The following SI variants were observed in gnomAD, a reference collection of about 807,000 sequenced individuals.
The protein encoded by SI is sucrase-isomaltase, intestinal.
SI carries 235 observed loss-of-function variants against 253.3 expected under a neutral mutation model. The observed-to-expected ratio is 0.93, with a 90% confidence interval of 0.83 to 1.03. The LOEUF is 1.03. Among genes scored for constraint, SI ranks in the 50% least tolerant of loss-of-function variants. SI has a pLI of 0.00. For synonymous variants in SI, 819 were observed against 712.0 expected, an observed-to-expected ratio of 1.15 and a Z score of -2.39; for missense variants, 2,442 against 2,211.1, an observed-to-expected ratio of 1.10 and a Z score of -2.09.
chr3:165,024,583 A>G (rs1040491657), intron 25 of SI, among the ~76,000 whole-genome samples: 1 of 151,092 alleles, frequency 6.6e-6, no homozygotes, highest in Non-Finnish European at 1.5e-5. Flanking sequence ...TCTGGCTTCT[A>G]TCTAAAGTGA....
intron 45 of SI, among the ~76,000 whole-genome samples, chr3:164,983,655 T>C (rs890303119): frequency 2.6e-5 from 4 of 152,020 alleles, no homozygotes; most frequent in African/African-American, 9.7e-5. Flanking sequence ...AGTAACACAA[T>C]CATGGCTCAC....
At chr3:165,010,588 G>A (rs531182716) in intron 34 of SI, among the ~76,000 whole-genome samples, 21 of 152,222 alleles carry the variant, frequency 1.4e-4, no homozygotes, top group African/African-American at 3.6e-4. Flanking sequence ...AGGATCTCCC[G>A]TATGATAATT....
intron 16 of SI, among the ~76,000 whole-genome samples, chr3:165,043,897 T>C (rs114730376): frequency 0.012 from 1,875 of 152,138 alleles, 37 homozygotes; most frequent in African/African-American, 0.043. Context: ...CTCCAGTATA[T>C]GGGAACTCAT....
rs747616640 is a variant in SI at position 165,021,250 on chromosome 3, C to T, written c.3233G>A (p.Arg1078Gln). The T allele has an allele frequency of 1.6e-5, 26 of 1,610,966 alleles. No individual in the cohort carries two copies. Among genetic ancestry groups the T allele is most frequent in the African/African-American group, 1.1e-4 (8 of 74,824 alleles). ...KENPFGIQIR[R>Q]RSSGRVIWDS... is the part of the protein sequence containing the mutation. ...TTACATGACTCTTCCACTGCTTCTC[C>T]GTCGAATCTGGATGCCAAAAGGATT... Residue 1078 changes from arginine (R) to glutamine (Q), a missense_variant, in exon 27 of 48, where the codon CGG (arginine) becomes CAG (glutamine). Physicochemically the swap from Arg to Gln is conservative, Grantham distance 43. Transcript: ENST00000264382.
intron 17 of SI, among the ~76,000 whole-genome samples, chr3:165,041,958 T>C (rs544160782): frequency 2.6e-5 from 4 of 152,142 alleles, no homozygotes; most frequent in Non-Finnish European, 5.9e-5. Flanking sequence ...CTCACTTGAT[T>C]GAAACTTGGT....
chr3:165,084,687 T>C, the SI span, among the ~76,000 whole-genome samples: 1 of 151,996 alleles, frequency 6.6e-6, no homozygotes, highest in Non-Finnish European at 1.5e-5. Context: ...TTCTTTCTCC[T>C]ACTTCCATAT....
At chr3:164,985,061 T>C (rs1717374080) in intron 45 of SI, among the ~76,000 whole-genome samples, 1 of 152,156 alleles carries the variant, frequency 6.6e-6, no homozygotes, top group South Asian at 2.1e-4. Flanking sequence ...TATACTTGCA[T>C]GAGGAGATCA....
chr3:165,065,224 A>G lies in SI; in HGVS notation c.807+37T>C, dbSNP rs577097082. 1.7e-5 allele frequency: 23 copies of G among 1,318,530 alleles called. 1 individual carries two copies. Among genetic ancestry groups the G allele is most frequent in the South Asian group, 1.1e-4 (9 of 84,838 alleles). 81.7% of individuals were successfully genotyped at this position (1,318,530 alleles called of 1,614,324 possible). A position where few individuals can be genotyped will look rare whatever the true frequency, so the allele number is the denominator to read the frequency against. ...CTAAGATTTTCATCTGCTGCAATAT[A>G]GTGATTTTATTTATAACAAGAAAAA... On this transcript the variant is annotated intron_variant, in intron 7 of 47. Coordinates refer to ENST00000264382, the MANE Select transcript of SI (RefSeq NM_001041.4).
Position 165,074,552 on chromosome 3 carries a change from A to T in SI, c.234T>A (p.Ile78=). The change falls in exon 3 of 48, where the codon ATT becomes ATA. Residue 78 remains isoleucine, a synonymous_variant. Transcript: ENST00000264382. ...AGACCTCTGTTGGGAATTGTTCTGGAATGCAGTTTATTCTCACATTGACAG... is the reference window on the plus strand; with the variant it reads ...AGACCTCTGTTGGGAATTGTTCTGGTATGCAGTTTATTCTCACATTGACAG... ...NDPVNVRINC[I]PEQFPTEGIC... 1 of 1,608,054 alleles carries T rather than the reference A, an allele frequency of 6.2e-7. No individual in the cohort carries two copies. The highest frequency in any genetic ancestry group is 1.3e-5 in the African/African-American group (1 of 74,848).
chr3:165,089,652 A>G, the SI span, among the ~76,000 whole-genome samples: 1 of 152,098 alleles, frequency 6.6e-6, no homozygotes, highest in Non-Finnish European at 1.5e-5. Context: ...ATTTGTGTGG[A>G]CCAGAATCAG....
At chr3:164,980,240 T>C (rs964814655) in intron 47 of SI, among the ~76,000 whole-genome samples, 2 of 151,968 alleles carry the variant, frequency 1.3e-5, no homozygotes, top group Non-Finnish European at 2.9e-5. Context: ...CCACATTTGA[T>C]AAATTAATTT....
At chr3:165,030,913 A>T (rs527997446) in intron 24 of SI, 46 bp from the exon 25 acceptor site, 2 of 1,509,748 alleles carry the variant, frequency 1.3e-6, no homozygotes, top group African/African-American at 1.4e-5. Context: ...AAAAAAACAC[A>T]AACAAACAAA....
At chr3:164,981,058 C>G (rs1717163848) in intron 47 of SI, among the ~76,000 whole-genome samples, 1 of 151,820 alleles carries the variant, frequency 6.6e-6, no homozygotes, top group African/African-American at 2.4e-5. Flanking sequence ...TGGACTAGAT[C>G]AGGTATTCTG....
At chr3:165,051,433 GTTAT>G (rs1713422615) in intron 13 of SI, among the ~76,000 whole-genome samples, 1 of 151,950 alleles carries the variant, frequency 6.6e-6, no homozygotes, top group Non-Finnish European at 1.5e-5. Context: ...GCTACATTGA[GTTAT>G]TTTTTTGAAA....
At chr3:165,027,563 T>G (rs2108196203) in intron 25 of SI, among the ~76,000 whole-genome samples, 1 of 151,456 alleles carries the variant, frequency 6.6e-6, no homozygotes, top group African/African-American at 2.4e-5. Flanking sequence ...AACAAAATCC[T>G]GGCTAACCAA....
At chr3:165,066,204 A>C (rs1468798206) in intron 6 of SI, among the ~76,000 whole-genome samples, 1 of 151,968 alleles carries the variant, frequency 6.6e-6, no homozygotes, top group Non-Finnish European at 1.5e-5. Context: ...GAAATGATTT[A>C]AGTATACAAG....
At chr3:165,002,590 T>C (rs998150653) in intron 37 of SI, among the ~76,000 whole-genome samples, 3 of 151,744 alleles carry the variant, frequency 2.0e-5, no homozygotes, top group Admixed American at 1.3e-4. Context: ...AAAACGTGTG[T>C]TTATAATTTG....
rs774850525 is a variant in SI at position 165,032,566 on chromosome 3, GTTGA to G, written c.2688_2691del (p.Pro898Ter). ...GTGAAATTGGAATGAGCGTTCATTG[GTTGA>G]TTATTTTCCGCCACTCTAACTTCTG... On this transcript the variant is annotated frameshift_variant, in exon 24 of 48. Coordinates refer to ENST00000264382, the MANE Select transcript of SI (RefSeq NM_001041.4). LOFTEE classifies it high-confidence loss of function. 2 of 1,609,222 alleles carry G rather than the reference GTTGA, an allele frequency of 1.2e-6. No individual in the cohort carries two copies. Among genetic ancestry groups the G allele is most frequent in the South Asian group, 1.1e-5 (1 of 90,916 alleles).
chr3:165,066,805 T>C (rs537514558), intron 6 of SI, among the ~76,000 whole-genome samples: 1 of 152,066 alleles, frequency 6.6e-6, no homozygotes, highest in African/African-American at 2.4e-5. Flanking sequence ...ATCTTGACAA[T>C]TGCTTTATTA....
Sources: gnomAD v4.1 joint callset for allele counts (sites outside exome capture counted in the v4.1 genomes callset) on GRCh38, gnomAD v4.1.1 for gene constraint, MANE v1.5 for transcripts, NCBI Gene and HGNC (gene_info 2026-07-23, HGNC 2026-07-21) for gene names.